The following TENM2 variants were observed in gnomAD, a reference collection of about 807,000 sequenced individuals.
TENM2 encodes teneurin transmembrane protein 2, also known as teneurin-2.
In TENM2, 52 loss-of-function variants were observed where a neutral mutation model predicts 245.2. The ratio of observed to expected loss-of-function variants is 0.21; its 90% CI spans 0.17 to 0.27. The LOEUF (loss-of-function observed/expected upper bound fraction) is 0.27. Ranked by LOEUF, TENM2 falls within the 10% of genes least tolerant of loss-of-function variation. TENM2 has a pLI of 1.00. For synonymous variants in TENM2, 1,363 were observed against 1,438.9 expected, an observed-to-expected ratio of 0.95 and a Z score of 1.19; for missense variants, 3,046 against 3,666.8, an observed-to-expected ratio of 0.83 and a Z score of 4.37.
the TENM2 span, among the ~76,000 whole-genome samples, chr5:167,243,904 G>A: frequency 6.6e-6 from 1 of 152,050 alleles, no homozygotes. Flanking sequence ...TGGCCTTCAA[G>A]GCTTTCTGTT....
chr5:167,648,623 G>T (rs1229494882), intron 2 of TENM2, among the ~76,000 whole-genome samples: 1 of 152,224 alleles, frequency 6.6e-6, no homozygotes, highest in Non-Finnish European at 1.5e-5. Context: ...TCTCCAGGGA[G>T]AAGCGATGCG....
intron 4 of TENM2, among the ~76,000 whole-genome samples, chr5:167,961,278 T>C (rs1029024061): frequency 6.6e-6 from 1 of 152,248 alleles, no homozygotes; most frequent in Non-Finnish European, 1.5e-5. Flanking sequence ...CCTGATATGG[T>C]AAACCATTAA....
chr5:166,995,477 G>A, the TENM2 span, among the ~76,000 whole-genome samples: 29 of 151,970 alleles, frequency 1.9e-4, 1 homozygote, highest in South Asian at 1.0e-3. Flanking sequence ...TCCTGACCTC[G>A]TGATCCAGCT....
At chr5:167,078,488 AACAAC>A in the TENM2 span, among the ~76,000 whole-genome samples, 6,296 of 146,286 alleles carry the variant, frequency 0.043, 462 homozygotes, top group African/African-American at 0.14. Context: ...TGTCTCAAAC[AACAAC>A]AACAACAACA....
intron 12 of TENM2, among the ~76,000 whole-genome samples, chr5:168,145,105 G>A (rs1436052739): frequency 9.4e-5 from 14 of 148,824 alleles, no homozygotes; most frequent in South Asian, 4.4e-4. Flanking sequence ...AGTAGGTTGC[G>A]AAAATTTTCT....
chr5:167,383,578 A>G (rs1373287402), intron 2 of TENM2, among the ~76,000 whole-genome samples: 1 of 151,936 alleles, frequency 6.6e-6, no homozygotes, highest in East Asian at 1.9e-4. Flanking sequence ...TCTTTCCCCC[A>G]ACATCTTCCC....
chr5:168,036,677 G>GTATGTATATA (rs1554183614), intron 5 of TENM2, among the ~76,000 whole-genome samples: 1 of 117,790 alleles, frequency 8.5e-6, no homozygotes, highest in African/African-American at 3.4e-5. Context: ...ATATGTATGT[G>GTATGTATATA]TATATATATA....
At chr5:167,972,134 G>A (rs1318678523) in intron 4 of TENM2, among the ~76,000 whole-genome samples, 2 of 152,210 alleles carry the variant, frequency 1.3e-5, no homozygotes, top group African/African-American at 2.4e-5. Context: ...TTTTATTGTA[G>A]AATGTACACA....
intron 6 of TENM2, among the ~76,000 whole-genome samples, chr5:168,058,452 G>T (rs1581184134): frequency 6.6e-6 from 1 of 152,184 alleles, no homozygotes; most frequent in East Asian, 1.9e-4. Context: ...AACAACATCT[G>T]CTGTGGGCTG....
At chr5:167,435,498 A>T (rs545512461) in intron 2 of TENM2, among the ~76,000 whole-genome samples, 5 of 152,272 alleles carry the variant, frequency 3.3e-5, no homozygotes, top group African/African-American at 9.6e-5. Context: ...GCAGTGTGGA[A>T]CTGTGAATCT....
chr5:167,170,388 A>C, the TENM2 span, among the ~76,000 whole-genome samples: 1 of 152,190 alleles, frequency 6.6e-6, no homozygotes, highest in Non-Finnish European at 1.5e-5. Context: ...GTGTGTGTGA[A>C]GTTCCACATA....
intron 2 of TENM2, among the ~76,000 whole-genome samples, chr5:167,658,177 C>T (rs1754973875): frequency 6.6e-6 from 1 of 150,830 alleles, no homozygotes; most frequent in Non-Finnish European, 1.5e-5. Flanking sequence ...CCTCACATGG[C>T]AGATGGCAGA....
At chr5:167,156,585 A>T in the TENM2 span, among the ~76,000 whole-genome samples, 1 of 152,024 alleles carries the variant, frequency 6.6e-6, no homozygotes, top group Non-Finnish European at 1.5e-5. Context: ...GCACATCCAA[A>T]CCTTTGAAGC....
the TENM2 span, among the ~76,000 whole-genome samples, chr5:167,141,107 A>G: frequency 3.3e-5 from 5 of 152,184 alleles, no homozygotes; most frequent in Admixed American, 2.6e-4. Flanking sequence ...TGGAACTTGT[A>G]TCAACCAGAT....
chr5:167,137,430 G>T, the TENM2 span, among the ~76,000 whole-genome samples: 2 of 151,976 alleles, frequency 1.3e-5, no homozygotes, highest in Admixed American at 6.6e-5. Context: ...TGAAAAAAAG[G>T]TTGCGAATGC....
At chr5:167,706,859 C>T (rs897043922) in intron 2 of TENM2, among the ~76,000 whole-genome samples, 2 of 151,442 alleles carry the variant, frequency 1.3e-5, no homozygotes, top group Middle Eastern at 3.2e-3. Flanking sequence ...ACTAAAAATA[C>T]GAAAAATTGG....
At chr5:168,045,710 G>A (rs1401301695) in intron 5 of TENM2, among the ~76,000 whole-genome samples, 1 of 152,170 alleles carries the variant, frequency 6.6e-6, no homozygotes, top group African/African-American at 2.4e-5. Flanking sequence ...TAACCCAATA[G>A]TATCATTTTT....
At chr5:167,668,464 C>T (rs1386362399) in intron 2 of TENM2, among the ~76,000 whole-genome samples, 1 of 152,150 alleles carries the variant, frequency 6.6e-6, no homozygotes, top group Non-Finnish European at 1.5e-5. Context: ...TTGGGTCACT[C>T]CCTGTTTGCA....
intron 2 of TENM2, among the ~76,000 whole-genome samples, chr5:167,645,961 T>C (rs970888089): frequency 1.3e-5 from 2 of 151,626 alleles, no homozygotes; most frequent in Admixed American, 6.6e-5. Flanking sequence ...ATTTTTCTTA[T>C]AATAAAATGA....
Sources: gnomAD v4.1 joint callset for allele counts (sites outside exome capture counted in the v4.1 genomes callset) on GRCh38, gnomAD v4.1.1 for gene constraint, MANE v1.5 for transcripts, NCBI Gene and HGNC (gene_info 2026-07-23, HGNC 2026-07-21) for gene names.